Variants in FANCI observed in about 807,000 individuals in gnomAD.
FANCI encodes the protein FA complementation group I.
A neutral mutation model predicts 176.1 loss-of-function variants in FANCI; 156 were observed. That is an observed-to-expected ratio of 0.89 (90% CI 0.78 to 1.01). The LOEUF (loss-of-function observed/expected upper bound fraction) is 1.01. FANCI is among the 50% of genes least tolerant of loss of function. FANCI has a pLI of 0.00. For synonymous variants in FANCI, 613 were observed against 541.7 expected (o/e 1.13, Z -1.83); for missense variants, 1,678 against 1,534.1 (o/e 1.09, Z -1.57).
At chr15:89,266,390 A>G (rs1338185575) in intron 9 of FANCI, among the ~76,000 whole-genome samples, 1 of 140,574 alleles carries the variant, frequency 7.1e-6, no homozygotes, top group African/African-American at 2.7e-5. Flanking sequence ...GTACATTGGC[A>G]TGATGTCAGG....
chr15:89,317,046 T>C lies in FANCI; in HGVS notation c.*587T>C. 1 of 595,526 alleles carries C rather than the reference T, an allele frequency of 1.7e-6. No homozygotes were observed. Among genetic ancestry groups the C allele is most frequent in the South Asian group, 2.0e-5 (1 of 49,172 alleles). 36.9% of individuals were successfully genotyped at this position (595,526 alleles called of 1,614,324 possible). On this transcript the variant is annotated 3_prime_UTR_variant, in exon 38 of 38. Coordinates refer to ENST00000310775, the MANE Select transcript of FANCI (RefSeq NM_001113378.2). ...TAGAAAATAAGCTTTCTGATTTACT[T>C]GTTTGGTATTTAAAGCACAGTTTGT...
chr15:89,250,316 T>A (rs138206825), intron 2 of FANCI, among the ~76,000 whole-genome samples: 32 of 150,922 alleles, frequency 2.1e-4, no homozygotes, highest in African/African-American at 7.8e-4. Context: ...AATGATAGAC[T>A]GGATTAAGAA....
chr15:89,282,267 A>C (rs538145479), intron 16 of FANCI: 1 of 199,932 alleles, frequency 5.0e-6, no homozygotes, highest in Admixed American at 5.3e-5. Flanking sequence ...TCCAAAGGGG[A>C]AAGTACCTTA....
intron 26 of FANCI, 93 bp downstream of exon 26, chr15:89,300,478 C>T (rs1041385158): frequency 9.2e-7 from 1 of 1,083,714 alleles, no homozygotes; most frequent in Non-Finnish European, 1.4e-6. Flanking sequence ...CAGACAGTGA[C>T]CAAGTAGGAG....
At chr15:89,268,252 C>G (rs537543175) in intron 9 of FANCI, 147 bp from the exon 10 acceptor site, 7 of 809,642 alleles carry the variant, frequency 8.6e-6, no homozygotes, top group Non-Finnish European at 1.5e-5. Context: ...GCCACCACAT[C>G]GGGCTGATTT....
chr15:89,314,136 T>C (rs150341259), intron 35 of FANCI, among the ~76,000 whole-genome samples: 7 of 56,948 alleles, frequency 1.2e-4, no homozygotes, highest in African/African-American at 3.7e-4. Context: ...CACAAAAACG[T>C]AGGACCACAC....
chr15:89,289,026 T>G (rs1017961765), intron 18 of FANCI, among the ~76,000 whole-genome samples: 3 of 151,908 alleles, frequency 2.0e-5, no homozygotes, highest in Non-Finnish European at 4.4e-5. Context: ...TTTTTTTTTA[T>G]GCATTTGTTT....
intron 9 of FANCI, among the ~76,000 whole-genome samples, chr15:89,266,126 A>G (rs188647538): frequency 2.7e-4 from 40 of 146,518 alleles, no homozygotes; most frequent in Non-Finnish European, 3.7e-4. Context: ...CTTCCCAAGT[A>G]GCTGGGACTA....
At chr15:89,312,269 G>A (rs2054993315) in intron 34 of FANCI, among the ~76,000 whole-genome samples, 1 of 152,100 alleles carries the variant, frequency 6.6e-6, no homozygotes, top group Non-Finnish European at 1.5e-5. Context: ...CTACCACCTT[G>A]ACAGTCCCCA....
Position 89,299,781 on chromosome 15 carries a change from C to G in FANCI, c.2637-19C>G. On this transcript the variant is annotated intron_variant, in intron 24 of 37. Coordinates refer to ENST00000310775, the MANE Select transcript of FANCI (RefSeq NM_001113378.2). ...GGTGAACCTGTCTTTAAAAACAATA[C>G]CACTTTCTCCTGCTTCAGAGTCTTG... The G allele has an allele frequency of 5.0e-6, 8 of 1,611,262 alleles. No homozygotes were observed. The highest frequency in any genetic ancestry group is 6.8e-6 in the Non-Finnish European group (8 of 1,178,718).
chr15:89,253,281 A>G (rs530116703), intron 2 of FANCI, among the ~76,000 whole-genome samples: 2 of 152,320 alleles, frequency 1.3e-5, no homozygotes, highest in East Asian at 3.9e-4. Context: ...AAAATAGATG[A>G]AATTAGATGT....
Position 89,264,616 on chromosome 15 carries a change from T to G in FANCI, c.755+9T>G. On this transcript the variant is annotated intron_variant, in intron 9 of 37. Coordinates refer to ENST00000310775, the MANE Select transcript of FANCI (RefSeq NM_001113378.2). ...GAACAGAGTGGTGACGAGTGAGTAATATAGTGTAGAAATAAAGATCATTTT... is the reference window on the plus strand; with the variant it reads ...GAACAGAGTGGTGACGAGTGAGTAAGATAGTGTAGAAATAAAGATCATTTT... 6.2e-7 allele frequency: 1 copy of G among 1,605,274 alleles called. No homozygotes were observed. Among genetic ancestry groups the G allele is most frequent in the Non-Finnish European group, 8.5e-7 (1 of 1,172,400 alleles).
intron 13 of FANCI, 97 bp from the exon 14 acceptor site, chr15:89,278,590 C>A: frequency 1.2e-6 from 1 of 839,382 alleles, no homozygotes; most frequent in Non-Finnish European, 2.0e-6. Flanking sequence ...GAGTTTTACT[C>A]ATATCCAAAC....
In FANCI at chr15:89,306,032, A is replaced by G. The variant is rs753208795; in HGVS notation, c.3375A>G (p.Leu1125=). ...LSEEASSQAT[L]PNQPVEKAII... ...AAGAGGCCTCTTCTCAGGCAACCCTACCAAATCAGCCTGTTGAGAAAGCTA... is the reference window on the plus strand; with the variant it reads ...AAGAGGCCTCTTCTCAGGCAACCCTGCCAAATCAGCCTGTTGAGAAAGCTA... Residue 1125 remains leucine, a synonymous_variant, in exon 32 of 38, where the codon CTA becomes CTG. Coordinates refer to ENST00000310775, the MANE Select transcript of FANCI (RefSeq NM_001113378.2). The G allele has an allele frequency of 3.1e-6, 5 of 1,614,026 alleles. No homozygotes were observed. In the African/African-American group the frequency reaches 5.3e-5, roughly 17 times the overall value.
rs767908943 is a variant in FANCI, at chr15:89,299,828, C to T, written c.2665C>T (p.Pro889Ser). Residue 889 changes from proline (P) to serine (S), a missense_variant, in exon 25 of 38, where the codon CCT (proline) becomes TCT (serine). Physicochemically the swap from Pro to Ser is moderately conservative, Grantham distance 74. Transcript: ENST00000310775. ...RVLLWRYTSI[P>S]TSVEESGKKE... The stretch of plus-strand genomic sequence containing the variant: ...CTTGCTATGGAGATACACTTCAATT[C>T]CTACTTCAGTGGAAGAGTCGGGAAA... 32 of 1,613,594 alleles carry T rather than the reference C, an allele frequency of 2.0e-5. No individual in the cohort carries two copies. Among genetic ancestry groups the T allele is most frequent in the African/African-American group, 2.7e-5 (2 of 74,846 alleles).
At position 89,247,662 on chromosome 15, in the gene FANCI, T is replaced by G. The variant is rs778553138; in HGVS notation, c.15T>G (p.Ile5Met). 7 of 1,613,908 alleles carry G rather than the reference T, an allele frequency of 4.3e-6. No homozygotes were observed. Among genetic ancestry groups the G allele is most frequent in the Non-Finnish European group, 5.9e-6 (7 of 1,179,976 alleles). Residue 5 changes from isoleucine to methionine, a missense_variant, in exon 2 of 38, where the codon ATT becomes ATG. Physicochemically the swap from Ile to Met is conservative, Grantham distance 10 (BLOSUM62 1). Coordinates refer to ENST00000310775, the MANE Select transcript of FANCI (RefSeq NM_001113378.2). MDQK[I>M]LSLAAEKTAD... Reference sequence around the variant, plus strand: ...TATGAGCAACAATGGACCAGAAGATTTTATCTCTAGCAGCAGAAAAAACAG... The same window carrying G: ...TATGAGCAACAATGGACCAGAAGATGTTATCTCTAGCAGCAGAAAAAACAG...
intron 12 of FANCI, 82 bp downstream of exon 12, chr15:89,274,386 G>C: frequency 6.6e-7 from 1 of 1,505,148 alleles, no homozygotes; most frequent in Non-Finnish European, 9.2e-7. Flanking sequence ...CTTGCAGCCT[G>C]TGAGGGGAAA....
At position 89,247,739 on chromosome 15, in the gene FANCI, T is replaced by G. The variant is rs763255064; in HGVS notation, c.84+8T>G. ...ACCCTGAGAGAAGGTGATGTGAGTA[T>G]TAGGAAGCATGTTCTGCTAAAAGTA... On this transcript the variant is annotated splice_region_variant and intron_variant, in intron 2 of 37. Coordinates refer to ENST00000310775, the MANE Select transcript of FANCI (RefSeq NM_001113378.2). The G allele has an allele frequency of 8.1e-6, 13 of 1,612,242 alleles. No individual in the cohort carries two copies. Among genetic ancestry groups the G allele is most frequent in the Admixed American group, 5.0e-5 (3 of 60,024 alleles).
At chr15:89,269,336 ATAT>A (rs893058100) in intron 10 of FANCI, among the ~76,000 whole-genome samples, 4 of 152,162 alleles carry the variant, frequency 2.6e-5, no homozygotes, top group South Asian at 2.1e-4. Flanking sequence ...TAATTCCATA[ATAT>A]TATTTAATTT....
Sources: allele counts gnomAD v4.1 joint callset (sites outside exome capture counted in the v4.1 genomes callset), GRCh38; gene constraint gnomAD v4.1.1; transcripts MANE v1.5; gene names NCBI Gene and HGNC (gene_info 2026-07-23, HGNC 2026-07-21).